UNC13A: variants seen among roughly 807,000 people sequenced by gnomAD.
UNC13A encodes unc-13 homolog A.
A neutral mutation model predicts 219.7 loss-of-function variants in UNC13A; 61 were observed. The ratio of observed to expected loss-of-function variants is 0.28; its 90% CI spans 0.23 to 0.34. The LOEUF is 0.34. Ranked by LOEUF, UNC13A falls within the 10% of genes least tolerant of loss-of-function variation. The pLI is 1.00. For synonymous variants in UNC13A, 920 were observed against 884.6 expected, an observed-to-expected ratio of 1.04 and a Z score of -0.71; for missense variants, 1,476 against 2,270.3, an observed-to-expected ratio of 0.65 and a Z score of 7.11.
intron 43 of UNC13A, 23 bp from the exon 44 acceptor site, chr19:17,606,377 T>G: frequency 1.3e-6 from 2 of 1,537,806 alleles, no homozygotes; most frequent in Non-Finnish European, 1.7e-6. Context: ...GGGCGGAACG[T>G]GAGACAGGCC....
At chr19:17,620,360 T>C (rs1363494311) in intron 38 of UNC13A, among the ~76,000 whole-genome samples, 2 of 152,144 alleles carry the variant, frequency 1.3e-5, no homozygotes, top group Non-Finnish European at 2.9e-5. Context: ...TCATCTTGGC[T>C]GTTACTATTC....
chr19:17,648,227 C>A (rs1488928255), intron 16 of UNC13A, among the ~76,000 whole-genome samples: 1 of 151,372 alleles, frequency 6.6e-6, no homozygotes, highest in African/African-American at 2.4e-5. Context: ...CCCCTCGACC[C>A]CCTAGCCCTT....
rs544000933 is a variant in UNC13A, at chr19:17,643,304, G to A, written c.2357-344C>T. 4.6e-5 allele frequency among the ~76,000 whole-genome samples: 7 copies of A among 151,424 alleles called. No individual in the cohort carries two copies. The South Asian group carries it at 1.5e-3, about 32-fold the overall frequency. ...TGGAATTACAGGCGTGAGTCACCGC[G>A]CCCGGCCAGCCATGGGCAAATTTTT... On this transcript the variant is annotated intron_variant, in intron 19 of 43. Transcript: ENST00000519716.
intron 2 of UNC13A, among the ~76,000 whole-genome samples, chr19:17,675,362 T>C (rs1223097410): frequency 6.6e-6 from 1 of 151,546 alleles, no homozygotes; most frequent in African/African-American, 2.4e-5. Context: ...CAGGGCACGG[T>C]AGCTCACGCC....
intron 1 of UNC13A, among the ~76,000 whole-genome samples, chr19:17,686,293 TCCCCGCCCC>T (rs755468892): frequency 1.1e-4 from 3 of 26,600 alleles, no homozygotes; most frequent in Non-Finnish European, 1.9e-4. Context: ...AAGGGTGAGA[TCCCCGCCCC>T]CCCCCCCCCC....
intron 10 of UNC13A, among the ~76,000 whole-genome samples, 199 bp downstream of exon 10, chr19:17,655,684 C>CT (rs1286169710): frequency 1.3e-5 from 2 of 152,128 alleles, no homozygotes; most frequent in African/African-American, 4.8e-5. Flanking sequence ...ATCACAAACT[C>CT]TAAGTCTCCT....
chr19:17,629,660 A>C lies in UNC13A; in HGVS notation c.3670-337T>G, dbSNP rs117280456. Among the ~76,000 whole-genome samples, 253 of 152,184 alleles carry C rather than the reference A, an allele frequency of 1.7e-3. 7 individuals are homozygous for C. The East Asian group carries it at 0.04, about 24-fold the overall frequency. ...GGTCAACACAGCCTAATGCCAATGA[A>C]TCAAACCTCAACCCCAATGATCCCA... is the stretch of plus-strand genomic sequence containing the variant. On this transcript the variant is annotated intron_variant, in intron 30 of 43. Transcript: ENST00000519716.
rs2076492897 is a variant in UNC13A, at chr19:17,603,823, AG to A, written c.*2230del. 1 of 148,986 alleles carries A rather than the reference AG, an allele frequency of 6.7e-6. No individual in the cohort carries two copies. Among genetic ancestry groups the A allele is most frequent in the Non-Finnish European group, 1.5e-5 (1 of 67,464 alleles). 9.2% of individuals were successfully genotyped at this position (148,986 alleles called of 1,614,324 possible). On this transcript the variant is annotated 3_prime_UTR_variant, in exon 44 of 44. Transcript: ENST00000519716. Reference sequence around the variant, plus strand: ...TTTTTTTTTTTTTTTGGTGGGGTAGAGGGGAGGGAATGGAGTATTGTTCTGT... The same window carrying A: ...TTTTTTTTTTTTTTTGGTGGGGTAGAGGGAGGGAATGGAGTATTGTTCTGT...
intron 8 of UNC13A, among the ~76,000 whole-genome samples, chr19:17,661,362 C>G (rs930117054): frequency 6.6e-6 from 1 of 151,994 alleles, no homozygotes; most frequent in Non-Finnish European, 1.5e-5. Context: ...GAAGGACTCC[C>G]CAGTTGAAGG....
intron 8 of UNC13A, among the ~76,000 whole-genome samples, chr19:17,661,170 C>G (rs527325977): frequency 3.0e-4 from 44 of 148,240 alleles, no homozygotes; most frequent in South Asian, 2.4e-3. Context: ...GACTTTGGAG[C>G]TCAAGCGTCC....
intron 1 of UNC13A, among the ~76,000 whole-genome samples, chr19:17,677,141 CCA>C (rs1304742258): frequency 3.9e-5 from 6 of 152,078 alleles, no homozygotes; most frequent in African/African-American, 1.4e-4. Flanking sequence ...CCACTGAGGT[CCA>C]GTCTTCTCAC....
chr19:17,652,921 T>G (rs1291409847), intron 11 of UNC13A, among the ~76,000 whole-genome samples: 1 of 152,148 alleles, frequency 6.6e-6, no homozygotes, highest in Non-Finnish European at 1.5e-5. Context: ...AGTCTCTTCA[T>G]TGATTATTCC....
At position 17,611,748 on chromosome 19, in the gene UNC13A, C is replaced by T. The variant is rs760475199; in HGVS notation, c.4651+15G>A. ...TTTAGAACCTAGCAAGTCCCTCCCA[C>T]CTCAGACCACTCACCTTTCACTGTG... On this transcript the variant is annotated intron_variant, in intron 42 of 43. Transcript: ENST00000519716. The T allele has an allele frequency of 1.2e-6, 2 of 1,612,874 alleles. No individual in the cohort carries two copies. The highest frequency in any genetic ancestry group is 1.3e-5 in the African/African-American group (1 of 74,942).
chr19:17,685,501 A>G (rs1413214368), intron 1 of UNC13A, among the ~76,000 whole-genome samples: 1 of 152,148 alleles, frequency 6.6e-6, no homozygotes, highest in Non-Finnish European at 1.5e-5. Flanking sequence ...GCTCGGCTGG[A>G]CATGGGTGGA....
intron 17 of UNC13A, among the ~76,000 whole-genome samples, chr19:17,647,028 C>G (rs372917460): frequency 1.3e-5 from 2 of 152,248 alleles, no homozygotes; most frequent in Non-Finnish European, 2.9e-5. Context: ...AATTCCTCTT[C>G]TTGGAGTCTC....
At chr19:17,686,911 G>T in intron 1 of UNC13A, among the ~76,000 whole-genome samples, 1 of 152,104 alleles carries the variant, frequency 6.6e-6, no homozygotes, top group Non-Finnish European at 1.5e-5. Flanking sequence ...TTCAGCACAC[G>T]CACGCTTCCT....
At position 17,631,233 on chromosome 19, in the gene UNC13A, TC is replaced by T. The variant is rs1317427438; in HGVS notation, c.3429-484del. On this transcript the variant is annotated intron_variant, in intron 28 of 43. Coordinates refer to ENST00000519716, the MANE Select transcript of UNC13A (RefSeq NM_001080421.3). Reference sequence around the variant, plus strand: ...CTTCCTTCCTTCCTTCTTCCTTCCTTCCTTCCTTCCTGGGTCTTGTTCTGTT... The same window carrying T: ...CTTCCTTCCTTCCTTCTTCCTTCCTTCTTCCTTCCTGGGTCTTGTTCTGTT... Among the ~76,000 whole-genome samples the T allele has an allele frequency of 5.9e-4, 66 of 111,492 alleles. 1 individual carries two copies. Among genetic ancestry groups the T allele is most frequent in the Middle Eastern group, 4.3e-3 (1 of 230 alleles). 73.1% of individuals were successfully genotyped at this position (111,492 alleles called of 152,430 possible). A position where few individuals can be genotyped will look rare whatever the true frequency, so the allele number is the denominator to read the frequency against.
intron 16 of UNC13A, 147 bp from the exon 17 acceptor site, chr19:17,647,639 C>G: frequency 1.4e-6 from 1 of 714,098 alleles, no homozygotes; most frequent in Non-Finnish European, 2.3e-6. Context: ...CTGTACCCCC[C>G]ACCCAGACCC....
Position 17,605,646 on chromosome 19 carries a change from A to C in UNC13A, c.*408T>G. On this transcript the variant is annotated 3_prime_UTR_variant, in exon 44 of 44. Transcript: ENST00000519716. ...GGAGCTGAGATTTCCATACTTGGCAATTGGTCTGGGGTCCCAGGGGTCTGG... is the reference window on the plus strand; with the variant it reads ...GGAGCTGAGATTTCCATACTTGGCACTTGGTCTGGGGTCCCAGGGGTCTGG... 6.0e-6 allele frequency: 1 copy of C among 167,062 alleles called. No homozygotes were observed. The highest frequency in any genetic ancestry group is 1.3e-5 in the Non-Finnish European group (1 of 78,096). The allele number at this position is 167,062 out of a possible 1,614,324, so 10.3% of individuals were successfully genotyped here.
Sources: gnomAD v4.1 joint callset for allele counts (sites outside exome capture counted in the v4.1 genomes callset) on GRCh38, gnomAD v4.1.1 for gene constraint, MANE v1.5 for transcripts, NCBI Gene and HGNC (gene_info 2026-07-23, HGNC 2026-07-21) for gene names.